Variants in TMEM53 observed in about 807,000 individuals in gnomAD.
TMEM53 encodes the protein transmembrane protein 53, also known as novel DUF829 domain-containing protein.
A neutral mutation model predicts 21.4 loss-of-function variants in TMEM53; 14 were observed. The ratio of observed to expected loss-of-function variants is 0.65; its 90% CI spans 0.43 to 1.02. The LOEUF is 1.02. TMEM53 is among the 50% of genes least tolerant of loss of function. TMEM53 has a pLI of 0.00. For synonymous variants in TMEM53, 148 were observed against 157.4 expected (o/e 0.94, Z 0.45); for missense variants, 323 against 383.6 (o/e 0.84, Z 1.32).
intron 1 of TMEM53, among the ~76,000 whole-genome samples, chr1:44,667,135 G>A (rs1326881990): frequency 4.0e-5 from 6 of 151,816 alleles, no homozygotes; most frequent in East Asian, 1.9e-4. Flanking sequence ...GAGCCACCGC[G>A]CCTGGCCAGA....
chr1:44,666,712 G>A (rs1644951384), intron 1 of TMEM53, among the ~76,000 whole-genome samples: 1 of 152,148 alleles, frequency 6.6e-6, no homozygotes, highest in South Asian at 2.1e-4. Context: ...AGGGCTGGGG[G>A]GAGGAGGGAA....
chr1:44,664,902 C>T (rs1644934350), intron 1 of TMEM53, among the ~76,000 whole-genome samples: 2 of 152,182 alleles, frequency 1.3e-5, no homozygotes, highest in Admixed American at 6.5e-5. Flanking sequence ...AGAGCCAGCG[C>T]CCACTATCCG....
chr1:44,666,381 C>A (rs539751070), intron 1 of TMEM53, among the ~76,000 whole-genome samples: 1 of 152,200 alleles, frequency 6.6e-6, no homozygotes, highest in Non-Finnish European at 1.5e-5. Context: ...ACTAGGGATA[C>A]ATCCAGGAGA....
intron 1 of TMEM53, among the ~76,000 whole-genome samples, chr1:44,670,820 G>A (rs568042459): frequency 2.4e-4 from 37 of 152,196 alleles, no homozygotes; most frequent in Non-Finnish European, 4.7e-4. Context: ...TTCTATGAAT[G>A]AATTTTTCTT....
Position 44,664,382 on chromosome 1 carries a change from G to A in TMEM53, c.62-4087C>T, listed in dbSNP as rs376083728. On this transcript the variant is annotated intron_variant, in intron 1 of 2. Transcript: ENST00000372237. ...AGGAGAATCGCTTGAACCTGGTGGT[G>A]GGGAGGTTGCGGTGAGCCGAGATCG... is the stretch of plus-strand genomic sequence containing the variant. Among the ~76,000 whole-genome samples the A allele has an allele frequency of 1.3e-4, 20 of 151,770 alleles. No individual in the cohort carries two copies. The East Asian group carries it at 3.3e-3, about 25-fold the overall frequency.
At chr1:44,668,567 G>A (rs1167659180) in intron 1 of TMEM53, among the ~76,000 whole-genome samples, 1 of 152,142 alleles carries the variant, frequency 6.6e-6, no homozygotes, top group African/African-American at 2.4e-5. Flanking sequence ...TTTGAGACAA[G>A]GTCTTTCTGT....
At position 44,656,752 on chromosome 1, in the gene TMEM53, AC is replaced by A. The variant is rs1266286236; in HGVS notation, c.184-1544del. On this transcript the variant is annotated intron_variant, in intron 2 of 2. Transcript: ENST00000372237. ...AAAATGGTTGGGCACAGTGGCTCAC[AC>A]CTGTAATCCCAACACTTTGGGAGGC... Among the ~76,000 whole-genome samples the A allele has an allele frequency of 1.2e-3, 183 of 152,246 alleles. 1 individual carries two copies. Among genetic ancestry groups the A allele is most frequent in the African/African-American group, 4.2e-3 (173 of 41,556 alleles).
In TMEM53 at chr1:44,654,598, G is replaced by T. The variant is rs763564702; in HGVS notation, c.795C>A (p.Ser265Arg). The change falls in exon 3 of 3, where the codon AGC becomes AGA. Residue 265 changes from serine (S) to arginine (R), a missense_variant. By Grantham distance (110) the Ser-to-Arg change is moderately radical. Transcript: ENST00000372237. This position sits in a 1 kb window ranked among gnomAD's most constrained non-coding sequence, Gnocchi z 7.0. ...AGTTGCGCATGAAGTCGACACAGAG[G>T]CTTGTGTAGTAAGTAGGGTAGTCAC... ...HLRDYPTYYT[S>R]LCVDFMRNCV... 1 of 1,612,574 alleles carries T rather than the reference G, an allele frequency of 6.2e-7. No individual in the cohort carries two copies. The highest frequency in any genetic ancestry group is 8.5e-7 in the Non-Finnish European group (1 of 1,178,866).
chr1:44,664,268 T>G (rs1288104000), intron 1 of TMEM53, among the ~76,000 whole-genome samples: 1 of 151,334 alleles, frequency 6.6e-6, no homozygotes, highest in Non-Finnish European at 1.5e-5. Flanking sequence ...CTGACCAACA[T>G]GGAGAAACCT....
intron 1 of TMEM53, among the ~76,000 whole-genome samples, chr1:44,662,340 G>A (rs1644909691): frequency 6.6e-6 from 1 of 152,164 alleles, no homozygotes; most frequent in Admixed American, 6.5e-5. Context: ...TGCTGGCTCG[G>A]CCTCTGATAA....
At chr1:44,665,669 G>C (rs746423615) in intron 1 of TMEM53, among the ~76,000 whole-genome samples, 5 of 151,264 alleles carry the variant, frequency 3.3e-5, no homozygotes, top group Non-Finnish European at 5.9e-5. Flanking sequence ...TCTTTGACTT[G>C]GTAATTCCAC....
Position 44,655,174 on chromosome 1 carries a change from G to A in TMEM53, c.219C>T (p.His73=). The change falls in exon 3 of 3, where the codon CAC becomes CAT. Residue 73 remains histidine, a synonymous_variant. Transcript: ENST00000372237. The surrounding 1 kb of genome is among the most constrained non-coding windows in gnomAD (Gnocchi z 4.4). ...CIVIRYTAPW[H]MVFFSESLGI... ...CCAGTGACTCGGAGAAGAAGACCAT[G>A]TGCCACGGGGCTGTGTATCGGATTA... 6.2e-7 allele frequency: 1 copy of A among 1,612,772 alleles called. No homozygotes were observed.
Position 44,653,381 on chromosome 1 carries a change from C to G in TMEM53, c.*1178G>C, listed in dbSNP as rs1021564307. ...GCCTAGAGAGTATCTAAGTGGGTCT[C>G]CCTTCCAGAAGATGAAGGAGTTTGC... On this transcript the variant is annotated 3_prime_UTR_variant, in exon 3 of 3. Transcript: ENST00000372237. The G allele has an allele frequency of 1.3e-5, 2 of 152,242 alleles. No individual in the cohort carries two copies. Among genetic ancestry groups the G allele is most frequent in the African/African-American group, 4.8e-5 (2 of 41,454 alleles). 9.4% of individuals were successfully genotyped at this position (152,242 alleles called of 1,614,324 possible). A position where few individuals can be genotyped will look rare whatever the true frequency, so the allele number is the denominator to read the frequency against.
chr1:44,658,027 C>T (rs1005436970), intron 2 of TMEM53, among the ~76,000 whole-genome samples: 17 of 152,080 alleles, frequency 1.1e-4, no homozygotes, highest in African/African-American at 3.9e-4. Context: ...ATGCCTTCTG[C>T]CCAAGTAGCA....
intron 2 of TMEM53, among the ~76,000 whole-genome samples, chr1:44,656,706 C>G (rs1380430245): frequency 1.4e-5 from 2 of 147,332 alleles, no homozygotes; most frequent in Non-Finnish European, 3.1e-5. Flanking sequence ...TAGGGAGACC[C>G]CATCTCTAAA....
intron 1 of TMEM53, among the ~76,000 whole-genome samples, chr1:44,672,518 T>G (rs770633050): frequency 6.6e-6 from 1 of 152,178 alleles, no homozygotes; most frequent in Non-Finnish European, 1.5e-5. Flanking sequence ...GAAGGCCTAT[T>G]GTGGCTCAAG....
Position 44,674,245 on chromosome 1 carries a change from A to G in TMEM53, c.61+86T>C, listed in dbSNP as rs555804467. The G allele has an allele frequency of 7.7e-5, 116 of 1,508,110 alleles. No homozygotes were observed. The African/African-American group carries it at 1.5e-3, about 20-fold the overall frequency. 93.4% of individuals were successfully genotyped at this position (1,508,110 alleles called of 1,614,324 possible). A position where few individuals can be genotyped will look rare whatever the true frequency, so the allele number is the denominator to read the frequency against. Reference sequence around the variant, plus strand: ...GCGGCCCGAGGGAGGGCGGGGCCGCATGAGGGGCGGGGCTACAGCTGCGCT... The same window carrying G: ...GCGGCCCGAGGGAGGGCGGGGCCGCGTGAGGGGCGGGGCTACAGCTGCGCT... On this transcript the variant is annotated intron_variant, in intron 1 of 2. Transcript: ENST00000372237.
At chr1:44,660,419 T>C (rs1208027902) in intron 1 of TMEM53, 124 bp from the exon 2 acceptor site, 11 of 1,374,698 alleles carry the variant, frequency 8.0e-6, no homozygotes, top group Admixed American at 4.2e-5. Context: ...GGCCCAGGCA[T>C]CCTGCCAGCA....
chr1:44,670,317 C>T (rs1424022567), intron 1 of TMEM53, among the ~76,000 whole-genome samples: 1 of 152,190 alleles, frequency 6.6e-6, no homozygotes, highest in African/African-American at 2.4e-5. Context: ...AAGCACAGCG[C>T]GGCCTCCTGC....
Sources: allele counts gnomAD v4.1 joint callset (sites outside exome capture counted in the v4.1 genomes callset), GRCh38; gene constraint gnomAD v4.1.1; non-coding constraint Gnocchi (gnomAD v3.1); transcripts MANE v1.5; gene names NCBI Gene and HGNC (gene_info 2026-07-23, HGNC 2026-07-21).